SPIRE1: variants seen among roughly 807,000 people sequenced by gnomAD.
SPIRE1 encodes protein spire homolog 1.
SPIRE1 carries 40 observed loss-of-function variants against 94.1 expected under a neutral mutation model. The observed-to-expected ratio is 0.43, with a 90% CI of 0.33 to 0.55. The LOEUF (loss-of-function observed/expected upper bound fraction) is 0.55. SPIRE1 is among the 20% of genes least tolerant of loss of function. The pLI is 0.06. For synonymous variants in SPIRE1, 376 were observed against 371.7 expected, an observed-to-expected ratio of 1.01 and a Z score of -0.13; for missense variants, 838 against 975.2, an observed-to-expected ratio of 0.86 and a Z score of 1.87.
intron 2 of SPIRE1, among the ~76,000 whole-genome samples, chr18:12,580,471 G>C (rs1480206599): frequency 1.3e-5 from 2 of 151,976 alleles, no homozygotes; most frequent in African/African-American, 4.8e-5. Flanking sequence ...TTACAGGTGT[G>C]CACCACCATG....
intron 2 of SPIRE1, among the ~76,000 whole-genome samples, chr18:12,630,747 G>A (rs2144794179): frequency 6.6e-6 from 1 of 152,290 alleles, no homozygotes; most frequent in South Asian, 2.1e-4. Context: ...CATGAGCTGA[G>A]CCTGGGCACA....
chr18:12,471,026 G>A (rs144446584), intron 10 of SPIRE1, among the ~76,000 whole-genome samples: 50 of 151,204 alleles, frequency 3.3e-4, no homozygotes, highest in African/African-American at 1.1e-3. Flanking sequence ...GGATCAAGCA[G>A]GGCTCAGACA....
At chr18:12,547,447 G>T (rs535950653) in intron 2 of SPIRE1, among the ~76,000 whole-genome samples, 1 of 152,158 alleles carries the variant, frequency 6.6e-6, no homozygotes, top group African/African-American at 2.4e-5. Context: ...CAATATTACT[G>T]CCGGGCAAAT....
intron 1 of SPIRE1, among the ~76,000 whole-genome samples, chr18:12,655,754 C>T (rs1263592307): frequency 6.6e-6 from 1 of 152,082 alleles, no homozygotes; most frequent in Non-Finnish European, 1.5e-5. Flanking sequence ...CAAAACTACA[C>T]GATTTTGGGA....
chr18:12,615,345 A>AAAAAAAAAATAAAT, intron 2 of SPIRE1, among the ~76,000 whole-genome samples: 1 of 17,236 alleles, frequency 5.8e-5, no homozygotes, highest in African/African-American at 1.2e-4. Context: ...AAAAAAAAAA[A>AAAAAAAAAATAAAT]ATATATATAT....
chr18:12,467,284 C>G (rs1336426828), intron 10 of SPIRE1, among the ~76,000 whole-genome samples: 1 of 151,952 alleles, frequency 6.6e-6, no homozygotes, highest in Non-Finnish European at 1.5e-5. Context: ...TCTCAAAAAA[C>G]AAAAACCAAA....
At chr18:12,472,947 A>G (rs2509509) in intron 10 of SPIRE1, among the ~76,000 whole-genome samples, 1 of 151,740 alleles carries the variant, frequency 6.6e-6, no homozygotes, top group Non-Finnish European at 1.5e-5. Context: ...CATGCATCAC[A>G]AAGCCTGGCT....
intron 2 of SPIRE1, among the ~76,000 whole-genome samples, chr18:12,615,412 C>T (rs369644245): frequency 4.5e-5 from 6 of 132,802 alleles, no homozygotes; most frequent in African/African-American, 1.1e-4. Flanking sequence ...AGGCGGCGTG[C>T]GCCTGTAGTT....
intron 1 of SPIRE1, among the ~76,000 whole-genome samples, chr18:12,655,586 A>C (rs1288167527): frequency 6.6e-6 from 1 of 152,056 alleles, no homozygotes; most frequent in Non-Finnish European, 1.5e-5. Flanking sequence ...GTGGAGAACA[A>C]CTCCACTCAC....
chr18:12,462,266 G>T (rs917798662), intron 12 of SPIRE1, among the ~76,000 whole-genome samples: 1 of 152,088 alleles, frequency 6.6e-6, no homozygotes, highest in African/African-American at 2.4e-5. Context: ...TCTCCCATCT[G>T]TTATTACTTT....
chr18:12,516,622 G>A (rs868229045), intron 4 of SPIRE1, among the ~76,000 whole-genome samples: 3 of 152,144 alleles, frequency 2.0e-5, no homozygotes, highest in Non-Finnish European at 4.4e-5. Flanking sequence ...GTGGGTTTCT[G>A]TCATCTGCAA....
chr18:12,526,975 T>C (rs1056708502), intron 4 of SPIRE1, among the ~76,000 whole-genome samples: 10 of 152,188 alleles, frequency 6.6e-5, no homozygotes, highest in Non-Finnish European at 1.2e-4. Context: ...CCCAAAGTGC[T>C]GGGATTACAG....
chr18:12,622,149 G>T (rs892519454), intron 2 of SPIRE1, among the ~76,000 whole-genome samples: 2 of 152,066 alleles, frequency 1.3e-5, no homozygotes, highest in Non-Finnish European at 2.9e-5. Context: ...AGGCATTTCT[G>T]TTCCTATGCT....
At chr18:12,468,511 T>C (rs2032214743) in intron 10 of SPIRE1, among the ~76,000 whole-genome samples, 1 of 152,172 alleles carries the variant, frequency 6.6e-6, no homozygotes, top group African/African-American at 2.4e-5. Context: ...AACCTCCAAA[T>C]TGGATTTTTC....
rs1310687209 is a variant in SPIRE1 at position 12,515,207 on chromosome 18, CT to C, written c.730-2677del. 2.0e-5 allele frequency among the ~76,000 whole-genome samples: 3 copies of C among 152,034 alleles called. No homozygotes were observed. The East Asian group carries it at 5.8e-4, about 29-fold the overall frequency. ...ATAAACTCATCTTTATAAGCCCATA[CT>C]TTTTTCTTTTTTTTTTAAATTCCAG... is the stretch of plus-strand genomic sequence containing the variant. On this transcript the variant is annotated intron_variant, in intron 4 of 16. Coordinates refer to ENST00000409402, the MANE Select transcript of SPIRE1 (RefSeq NM_001128626.2).
intron 10 of SPIRE1, among the ~76,000 whole-genome samples, chr18:12,471,103 TA>T (rs138606031): frequency 0.01 from 982 of 96,926 alleles, 5 homozygotes; most frequent in African/African-American, 0.024. Context: ...CATCTTTCAG[TA>T]AAAAAAAAAA....
chr18:12,624,886 C>G lies in SPIRE1; in HGVS notation c.372+10176G>C, dbSNP rs538539919. On this transcript the variant is annotated intron_variant, in intron 2 of 16. Coordinates refer to ENST00000409402, the MANE Select transcript of SPIRE1 (RefSeq NM_001128626.2). ...TTACTCCCAGATAATTTGAGTTATTCTGAAATCCTTTGCCAGACATATAAC... is the reference window on the plus strand; with the variant it reads ...TTACTCCCAGATAATTTGAGTTATTGTGAAATCCTTTGCCAGACATATAAC... 1.7e-4 allele frequency among the ~76,000 whole-genome samples: 26 copies of G among 151,542 alleles called. No individual in the cohort carries two copies. In the Middle Eastern group the frequency reaches 0.01, roughly 59 times the overall value.
intron 2 of SPIRE1, among the ~76,000 whole-genome samples, chr18:12,624,117 T>G (rs2037553169): frequency 6.7e-6 from 1 of 149,846 alleles, no homozygotes; most frequent in Non-Finnish European, 1.5e-5. Context: ...GAGACGGAGT[T>G]TCGCCATGTT....
chr18:12,658,618 G>A, upstream of SPIRE1: 1 of 470,468 alleles, frequency 2.1e-6, no homozygotes, highest in South Asian at 1.6e-5. Flanking sequence ...AACCCGCCTG[G>A]AGCGGATGCC....
Sources: gnomAD v4.1 joint callset for allele counts (sites outside exome capture counted in the v4.1 genomes callset) on GRCh38, gnomAD v4.1.1 for gene constraint, MANE v1.5 for transcripts, NCBI Gene and HGNC (gene_info 2026-07-23, HGNC 2026-07-21) for gene names.